The following ABCA5 variants were observed in gnomAD, a reference collection of about 807,000 sequenced individuals.
The protein encoded by ABCA5 is cholesterol transporter ABCA5.
Under a neutral mutation model 206.0 loss-of-function variants are expected in ABCA5, and 163 were observed. That is an observed-to-expected ratio of 0.79 (90% CI 0.70 to 0.90). The LOEUF (loss-of-function observed/expected upper bound fraction) is 0.90. ABCA5 is among the 40% of genes least tolerant of loss of function. ABCA5 has a pLI of 0.00. For missense variants in ABCA5, 1,859 were observed against 1,912.9 expected, an observed-to-expected ratio of 0.97 and a Z score of 0.53; for synonymous variants, 609 against 613.8, an observed-to-expected ratio of 0.99 and a Z score of 0.11.
chr17:69,250,334 C>G (rs1026734261), intron 36 of ABCA5, 138 bp downstream of exon 36: 124 of 610,504 alleles, frequency 2.0e-4, no homozygotes, highest in South Asian at 2.1e-4. Flanking sequence ...AAAAAATATA[C>G]ATATATATTC....
rs893866282 is a variant in ABCA5, at chr17:69,277,641, A to C, written c.2594T>G (p.Val865Gly). Residue 865 changes from valine (V) to glycine (G), a missense_variant and splice_region_variant, in exon 19 of 39, where the codon GTG (valine) becomes GGG (glycine). Coordinates refer to ENST00000392676, the MANE Select transcript of ABCA5 (RefSeq NM_172232.4). The stretch of plus-strand genomic sequence containing the variant: ...GTATAAGGGTGATAATTATACTTAC[A>C]CTGATCTCACTGATTTACTTTCACG... ...LKRESKSVRS[V>G]LLLLLIFFTV... The C allele has an allele frequency of 1.9e-6, 3 of 1,607,368 alleles. No individual in the cohort carries two copies. The highest frequency in any genetic ancestry group is 1.3e-5 in the African/African-American group (1 of 74,794).
At chr17:69,286,173 T>C in intron 16 of ABCA5, 48 bp downstream of exon 16, 1 of 1,564,342 alleles carries the variant, frequency 6.4e-7, no homozygotes, top group South Asian at 1.2e-5. Flanking sequence ...ATAATAACAG[T>C]ATAGCAAGAG....
chr17:69,284,061 C>A lies in ABCA5; in HGVS notation c.2284G>T (p.Ala762Ser), dbSNP rs866516037. Reference protein sequence around the residue: ...DMDKFSGLFSALDSHSNLGVI... With the variant: ...DMDKFSGLFSSLDSHSNLGVI... The stretch of plus-strand genomic sequence containing the variant: ...CCCAAATTTGAATGACTGTCTAGGG[C>A]AGAAAACAAACCTAAAAGAAAAAAA... Residue 762 changes from alanine (A) to serine (S), a missense_variant, in exon 18 of 39, where the codon GCC becomes TCC. Ala to Ser is a moderately conservative substitution (Grantham distance 99). Coordinates refer to ENST00000392676, the MANE Select transcript of ABCA5 (RefSeq NM_172232.4). The A allele has an allele frequency of 1.9e-6, 3 of 1,572,966 alleles. No individual in the cohort carries two copies. The highest frequency in any genetic ancestry group is 1.4e-5 in the African/African-American group (1 of 72,408).
At position 69,261,189 on chromosome 17, in the gene ABCA5, TGAA is replaced by T. The variant is rs1567753983; in HGVS notation, c.3497_3499del (p.Leu1166del). On this transcript the variant is annotated inframe_deletion, in exon 26 of 39. Coordinates refer to ENST00000392676, the MANE Select transcript of ABCA5 (RefSeq NM_172232.4). ...TGGAATGATGATACAAAAGGCATAA[TGAA>T]GAATAGTTGCAATTGTGTATCCCAT... is the stretch of plus-strand genomic sequence containing the variant. The T allele has an allele frequency of 3.1e-6, 5 of 1,608,896 alleles. No individual in the cohort carries two copies. The highest frequency in any genetic ancestry group is 4.2e-6 in the Non-Finnish European group (5 of 1,177,284).
In ABCA5 at chr17:69,304,772, A is replaced by C; in HGVS notation, c.827T>G (p.Leu276Arg). The change falls in exon 7 of 39, where the codon CTT (leucine) becomes CGT (arginine). Residue 276 changes from leucine to arginine, a missense_variant. Transcript: ENST00000392676. ...WVLLYTSLIF[L>R]MSLLMAVIAT... ...AATGACTGCCATAAGAAGGGACATA[A>C]GAAAAATTAAACTTGTATATAGAAG... The C allele has an allele frequency of 6.2e-7, 1 of 1,607,950 alleles. No individual in the cohort carries two copies. Among genetic ancestry groups the C allele is most frequent in the East Asian group, 2.2e-5 (1 of 44,642 alleles).
chr17:69,319,407 G>A (rs1339973315), intron 1 of ABCA5, among the ~76,000 whole-genome samples: 1 of 152,080 alleles, frequency 6.6e-6, no homozygotes, highest in African/African-American at 2.4e-5. Context: ...TGAACTCAAG[G>A]TTGAGTCTCT....
chr17:69,262,557 C>T (rs1325955012), intron 24 of ABCA5, among the ~76,000 whole-genome samples: 1 of 152,170 alleles, frequency 6.6e-6, no homozygotes, highest in African/African-American at 2.4e-5. Context: ...CTGCAACAGA[C>T]ATAATTTCAT....
chr17:69,298,061 C>T (rs1178628469), intron 9 of ABCA5, among the ~76,000 whole-genome samples: 1 of 151,980 alleles, frequency 6.6e-6, no homozygotes, highest in African/African-American at 2.4e-5. Flanking sequence ...TGGTGCATGC[C>T]TGTAGTCCCA....
Position 69,253,622 on chromosome 17 carries a change from G to A in ABCA5, c.4366C>T (p.Leu1456=), listed in dbSNP as rs2075041614. The A allele has an allele frequency of 6.2e-7, 1 of 1,613,782 alleles. No homozygotes were observed. The highest frequency in any genetic ancestry group is 1.3e-5 in the African/African-American group (1 of 75,004). Residue 1456 remains leucine (L), a synonymous_variant, in exon 34 of 39, where the codon CTA becomes TTA. Coordinates refer to ENST00000392676, the MANE Select transcript of ABCA5 (RefSeq NM_172232.4). ...TCCATACCTGTAGATGGTTCATCTA[G>A]CAAAGTAATCTGAGGATTCCCTAGC... The part of the protein sequence containing the change: ...SMLGNPQITL[L]DEPSTGMDPK...
At chr17:69,305,491 C>G (rs543358818) in intron 6 of ABCA5, among the ~76,000 whole-genome samples, 2 of 152,302 alleles carry the variant, frequency 1.3e-5, no homozygotes, top group South Asian at 4.1e-4. Flanking sequence ...TGAGGCAAAA[C>G]TGAGACCCTG....
chr17:69,282,980 C>CT lies in ABCA5; in HGVS notation c.2392+972dup, dbSNP rs1048269473. ...TATAACCCAAATATCTGTTCTTTCCCTTTTTTTTTTTTTTTTTTTTTTTTT... is the reference window on the plus strand; with the variant it reads ...TATAACCCAAATATCTGTTCTTTCCCTTTTTTTTTTTTTTTTTTTTTTTTTT... On this transcript the variant is annotated intron_variant, in intron 18 of 38. Transcript: ENST00000392676. Among the ~76,000 whole-genome samples the CT allele has an allele frequency of 6.9e-3, 782 of 112,968 alleles. 8 individuals are homozygous for CT. Among genetic ancestry groups the CT allele is most frequent in the African/African-American group, 0.014 (432 of 30,474 alleles). The allele number at this position is 112,968 out of a possible 152,430, so 74.1% of individuals were successfully genotyped here.
At chr17:69,251,988 T>G in intron 34 of ABCA5, 122 bp from the exon 35 acceptor site, 3 of 904,442 alleles carry the variant, frequency 3.3e-6, no homozygotes, top group South Asian at 1.6e-5. Context: ...TATCAATTGC[T>G]ATGGCTATTA....
intron 18 of ABCA5, among the ~76,000 whole-genome samples, chr17:69,279,906 G>A (rs567044703): frequency 6.6e-6 from 1 of 152,224 alleles, no homozygotes; most frequent in South Asian, 2.1e-4. Flanking sequence ...AGACTTAAAC[G>A]TTAGACCTAA....
Position 69,286,308 on chromosome 17 carries a change from C to T in ABCA5, c.2045G>A (p.Arg682Lys), listed in dbSNP as rs372894277. Reference sequence around the variant, plus strand: ...CATTCCTTGTGATATCACAGCTTTCCTATCTGCAGATAAATATTTACATTT... The same window carrying T: ...CATTCCTTGTGATATCACAGCTTTCTTATCTGCAGATAAATATTTACATTT... ...FMDEADILAD[R>K]KAVISQGMLK... The change falls in exon 16 of 39, where the codon AGG becomes AAG. Residue 682 changes from arginine to lysine, a missense_variant. Arg to Lys is a conservative substitution (Grantham distance 26). Coordinates refer to ENST00000392676, the MANE Select transcript of ABCA5 (RefSeq NM_172232.4). 1.8e-5 allele frequency: 29 copies of T among 1,589,652 alleles called. No homozygotes were observed. The African/African-American group carries it at 3.7e-4, about 20-fold the overall frequency.
Position 69,264,887 on chromosome 17 carries a change from G to A in ABCA5, c.3163C>T (p.Leu1055Phe). The change falls in exon 24 of 39, where the codon CTT becomes TTT. Residue 1055 changes from leucine to phenylalanine, a missense_variant. Transcript: ENST00000392676. ...ENHKIKAYTQ[L>F]KLSGLLPSAY... ...GATGGCAAAAGACCTGAAAGTTTAAGTTGAGTATAAGCTTTGATCTAAAAA... is the reference window on the plus strand; with the variant it reads ...GATGGCAAAAGACCTGAAAGTTTAAATTGAGTATAAGCTTTGATCTAAAAA... The A allele has an allele frequency of 1.9e-6, 3 of 1,549,840 alleles. No individual in the cohort carries two copies. The highest frequency in any genetic ancestry group is 1.3e-5 in the South Asian group (1 of 76,210).
intron 29 of ABCA5, 129 bp downstream of exon 29, chr17:69,256,028 T>A: frequency 7.7e-7 from 1 of 1,292,686 alleles, no homozygotes; most frequent in Non-Finnish European, 1.0e-6. Flanking sequence ...AAACGAAGTA[T>A]TTTTTTCCAA....
chr17:69,321,036 T>A (rs1158496161), intron 1 of ABCA5, among the ~76,000 whole-genome samples: 5 of 152,182 alleles, frequency 3.3e-5, no homozygotes, highest in African/African-American at 1.2e-4. Context: ...CTCTCACTGA[T>A]ATGGTAATCA....
rs147423234 is a variant in ABCA5 at position 69,274,614 on chromosome 17, G to A, written c.2595-486C>T. Among the ~76,000 whole-genome samples, 866 of 151,406 alleles carry A rather than the reference G, an allele frequency of 5.7e-3. 13 individuals carry two copies. Among genetic ancestry groups the A allele is most frequent in the African/African-American group, 0.019 (793 of 41,254 alleles). ...AACTGAAAAAAAAAAATAAGAAATCGTATTCCCCAAAATGATCTTATGACA... is the reference window on the plus strand; with the variant it reads ...AACTGAAAAAAAAAAATAAGAAATCATATTCCCCAAAATGATCTTATGACA... On this transcript the variant is annotated intron_variant, in intron 19 of 38. Coordinates refer to ENST00000392676, the MANE Select transcript of ABCA5 (RefSeq NM_172232.4).
At chr17:69,310,303 T>C (rs1459203925) in intron 3 of ABCA5, among the ~76,000 whole-genome samples, 7 of 152,018 alleles carry the variant, frequency 4.6e-5, no homozygotes, top group Admixed American at 1.3e-4. Flanking sequence ...GCCTGGCTAA[T>C]TTTTTGTTTT....
Sources: gnomAD v4.1 joint callset for allele counts (sites outside exome capture counted in the v4.1 genomes callset) on GRCh38, gnomAD v4.1.1 for gene constraint, MANE v1.5 for transcripts, NCBI Gene and HGNC (gene_info 2026-07-23, HGNC 2026-07-21) for gene names.